WDHD1: variants seen among roughly 807,000 people sequenced by gnomAD.
WDHD1 encodes the protein WD repeat and HMG-box DNA binding protein 1, also known as WD repeat and HMG-box DNA-binding protein 1.
WDHD1 carries 111 observed loss-of-function variants against 135.4 expected under a neutral mutation model. The observed-to-expected ratio is 0.82, with a 90% CI of 0.70 to 0.96. The LOEUF (loss-of-function observed/expected upper bound fraction) is 0.96. Among genes scored for constraint, WDHD1 ranks in the 40% least tolerant of loss-of-function variants. The probability of loss-of-function intolerance (pLI) is 0.00; values close to 1 mark genes in which losing one functional copy is unlikely to be tolerated. For missense variants in WDHD1, 1,351 were observed against 1,336.3 expected, an observed-to-expected ratio of 1.01 and a Z score of -0.17; for synonymous variants, 434 against 439.0, an observed-to-expected ratio of 0.99 and a Z score of 0.14.
intron 23 of WDHD1, among the ~76,000 whole-genome samples, chr14:54,956,827 T>C (rs139790795): frequency 1.7e-3 from 265 of 152,304 alleles, no homozygotes; most frequent in Middle Eastern, 6.8e-3. Context: ...TGGGCTCAAG[T>C]GATCCTCCCA....
intron 10 of WDHD1, among the ~76,000 whole-genome samples, chr14:54,997,046 T>TC (rs1414555440): frequency 2.1e-5 from 3 of 143,298 alleles, no homozygotes; most frequent in African/African-American, 7.8e-5. Context: ...CGCCTCAGAC[T>TC]CCCAAAGTGC....
intron 25 of WDHD1, 118 bp from the exon 26 acceptor site, chr14:54,941,808 T>TTAA (rs2040843453): frequency 1.2e-6 from 1 of 842,890 alleles, no homozygotes; most frequent in Non-Finnish European, 1.8e-6. Context: ...TAATTAGCAC[T>TTAA]TGAATTAAGT....
At chr14:54,973,015 A>T (rs749575010) in intron 16 of WDHD1, among the ~76,000 whole-genome samples, 3 of 149,716 alleles carry the variant, frequency 2.0e-5, no homozygotes, top group Non-Finnish European at 2.9e-5. Flanking sequence ...TTTATTAAAA[A>T]GCATTAATTA....
chr14:54,989,932 G>C (rs1023165921), intron 12 of WDHD1, among the ~76,000 whole-genome samples: 2 of 152,096 alleles, frequency 1.3e-5, no homozygotes, highest in Non-Finnish European at 2.9e-5. Context: ...CCAAAGTGCT[G>C]GGATTATAGG....
Position 54,962,835 on chromosome 14 carries a change from T to A in WDHD1, c.2550A>T (p.Thr850=), listed in dbSNP as rs1361299561. The change falls in exon 20 of 26, where the codon ACA becomes ACT. Residue 850 remains threonine (T), a synonymous_variant. Coordinates refer to ENST00000360586, the MANE Select transcript of WDHD1 (RefSeq NM_007086.4). ...KLNAGYSNTA[T]EWSQPRFRNQ... ...TTCTGAACCTTGGTTGGCTCCACTC[T>A]GTAGCAGTATTGCTGTAACTAAGAG... 2 of 1,612,778 alleles carry A rather than the reference T, an allele frequency of 1.2e-6. No homozygotes were observed. Among genetic ancestry groups the A allele is most frequent in the Non-Finnish European group, 1.7e-6 (2 of 1,180,016 alleles).
At chr14:54,986,416 C>T (rs990376319) in intron 14 of WDHD1, among the ~76,000 whole-genome samples, 1 of 152,148 alleles carries the variant, frequency 6.6e-6, no homozygotes, top group African/African-American at 2.4e-5. Context: ...AACTCTCCCG[C>T]CTCGGCCTCC....
At chr14:54,955,716 C>T (rs1487314678) in intron 23 of WDHD1, 22 bp from the exon 24 acceptor site, 1 of 1,498,584 alleles carries the variant, frequency 6.7e-7, no homozygotes, top group Non-Finnish European at 8.9e-7. Flanking sequence ...AACATGAATA[C>T]TGCAATAACA....
chr14:55,015,699 A>AT (rs35102727), intron 2 of WDHD1, among the ~76,000 whole-genome samples: 8,222 of 143,258 alleles, frequency 0.057, 255 homozygotes, highest in Non-Finnish European at 0.067. Flanking sequence ...TTCCAATGGA[A>AT]TTTTTTTTTT....
At chr14:54,949,523 T>A (rs1011043761) in intron 24 of WDHD1, among the ~76,000 whole-genome samples, 7 of 152,298 alleles carry the variant, frequency 4.6e-5, no homozygotes, top group Admixed American at 2.0e-4. Flanking sequence ...AATCTACGTT[T>A]GTTTGGTGTA....
At chr14:54,951,402 C>T (rs1321462331) in intron 24 of WDHD1, among the ~76,000 whole-genome samples, 2 of 151,910 alleles carry the variant, frequency 1.3e-5, no homozygotes, top group Admixed American at 6.6e-5. Flanking sequence ...ATCTAGAAGA[C>T]ATGGATAAAT....
At chr14:55,026,619 C>T (rs1207066812) in intron 2 of WDHD1, 92 bp downstream of exon 2, 5 of 1,219,304 alleles carry the variant, frequency 4.1e-6, no homozygotes, top group African/African-American at 3.0e-5. Context: ...CCTCTATCCG[C>T]ATGAGTCATT....
intron 24 of WDHD1, among the ~76,000 whole-genome samples, chr14:54,953,491 T>C (rs1196312858): frequency 6.6e-6 from 1 of 152,138 alleles, no homozygotes; most frequent in Non-Finnish European, 1.5e-5. Flanking sequence ...GGAGAGGATG[T>C]GGAGAAATAG....
chr14:54,976,074 C>G (rs987448975), intron 16 of WDHD1, among the ~76,000 whole-genome samples: 1 of 152,092 alleles, frequency 6.6e-6, no homozygotes, highest in Non-Finnish European at 1.5e-5. Flanking sequence ...AGGATTTCAG[C>G]CAGGATACCA....
chr14:54,955,895 CTTTTTTTTTT>C (rs71131243), intron 23 of WDHD1, among the ~76,000 whole-genome samples: 6 of 110,074 alleles, frequency 5.5e-5, no homozygotes, highest in East Asian at 2.4e-4. Context: ...CCATGTTTTC[CTTTTTTTTTT>C]TTTTTTTTTT....
At chr14:54,967,862 C>A (rs1566717093) in intron 16 of WDHD1, among the ~76,000 whole-genome samples, 2 of 152,166 alleles carry the variant, frequency 1.3e-5, no homozygotes, top group African/African-American at 4.8e-5. Flanking sequence ...CTAAAGTGTG[C>A]CTCCCACCTT....
At chr14:55,009,662 C>T (rs1201114561) in intron 4 of WDHD1, among the ~76,000 whole-genome samples, 1 of 150,684 alleles carries the variant, frequency 6.6e-6, no homozygotes, top group East Asian at 2.0e-4. Flanking sequence ...GAACTCCTGA[C>T]CTCAGGTGAT....
intron 4 of WDHD1, 124 bp downstream of exon 4, chr14:55,010,185 A>T: frequency 6.6e-6 from 7 of 1,059,702 alleles, no homozygotes; most frequent in Non-Finnish European, 9.0e-6. Flanking sequence ...TAGATAAAAG[A>T]ATATATGAAG....
chr14:55,007,967 C>T (rs566101653), intron 6 of WDHD1, among the ~76,000 whole-genome samples: 1 of 152,300 alleles, frequency 6.6e-6, no homozygotes, highest in East Asian at 1.9e-4. Context: ...CTCTCCAAAT[C>T]AAATGTGACC....
intron 12 of WDHD1, among the ~76,000 whole-genome samples, chr14:54,989,635 A>T (rs969037107): frequency 2.6e-5 from 4 of 152,146 alleles, no homozygotes; most frequent in African/African-American, 9.7e-5. Context: ...CTATGATAAA[A>T]TAAATACATA....
Sources: allele counts gnomAD v4.1 joint callset (sites outside exome capture counted in the v4.1 genomes callset), GRCh38; gene constraint gnomAD v4.1.1; transcripts MANE v1.5; gene names NCBI Gene and HGNC (gene_info 2026-07-23, HGNC 2026-07-21).